ANKMY1: variants seen among roughly 807,000 people sequenced by gnomAD.
ANKMY1 encodes the protein ankyrin repeat and MYND domain containing 1.
Under a neutral mutation model 102.0 loss-of-function variants are expected in ANKMY1, and 98 were observed. The observed-to-expected ratio is 0.96, with a 90% CI of 0.82 to 1.14. ANKMY1 has a LOEUF of 1.14. ANKMY1 is among the 50% of genes most tolerant of loss of function. The pLI, the probability that ANKMY1 is intolerant of heterozygous loss-of-function variation, is 0.00. For missense variants in ANKMY1, 1,330 were observed against 1,347.6 expected (o/e 0.99, Z 0.20); for synonymous variants, 582 against 559.9 (o/e 1.04, Z -0.56).
chr2:240,500,056 C>G lies in ANKMY1; in HGVS notation c.2708G>C (p.Arg903Pro). 1 of 1,612,756 alleles carries G rather than the reference C, an allele frequency of 6.2e-7. No individual in the cohort carries two copies. The highest frequency in any genetic ancestry group is 8.5e-7 in the Non-Finnish European group (1 of 1,179,666). Residue 903 changes from arginine (R) to proline (P), a missense_variant, in exon 15 of 18, where the codon CGG (arginine) becomes CCG (proline). Physicochemically the swap from Arg to Pro is moderately radical, Grantham distance 103. Transcript: ENST00000401804. ...MPAERETFLA[R>P]KRLLEYMGLQ... ...GCCCATGTACTCCAGGAGCCGCTTC[C>G]GCGCCAGGAACGTCTCGCGCTCTGC...
chr2:240,497,718 CT>C (rs2077447072), intron 15 of ANKMY1, among the ~76,000 whole-genome samples: 2 of 152,184 alleles, frequency 1.3e-5, no homozygotes, highest in Non-Finnish European at 2.9e-5. Flanking sequence ...AGGCTTGAAA[CT>C]GTCTTTGCTC....
intron 13 of ANKMY1, among the ~76,000 whole-genome samples, chr2:240,502,232 C>T (rs1019826866): frequency 2.7e-5 from 4 of 150,942 alleles, no homozygotes; most frequent in African/African-American, 9.8e-5. Context: ...GGCACCGGGA[C>T]GGCTTCTCTG....
chr2:240,491,126 G>T (rs2076606614), intron 15 of ANKMY1, among the ~76,000 whole-genome samples: 2 of 139,548 alleles, frequency 1.4e-5, no homozygotes, highest in Admixed American at 7.3e-5. Flanking sequence ...CTGACTTAAA[G>T]TCCATTTTAT....
intron 15 of ANKMY1, among the ~76,000 whole-genome samples, chr2:240,491,561 C>T (rs1453492486): frequency 6.6e-6 from 1 of 152,146 alleles, no homozygotes; most frequent in African/African-American, 2.4e-5. Flanking sequence ...CCTTTAGCTT[C>T]TATGTTTAGG....
intron 4 of ANKMY1, among the ~76,000 whole-genome samples, chr2:240,543,392 T>C (rs2089509427): frequency 6.6e-6 from 1 of 151,524 alleles, no homozygotes; most frequent in Non-Finnish European, 1.5e-5. Flanking sequence ...AAAATAGAAA[T>C]GTCTTCAGAA....
At chr2:240,507,814 C>T (rs936522235) in intron 12 of ANKMY1, 123 bp from the exon 13 acceptor site, 28 of 1,226,872 alleles carry the variant, frequency 2.3e-5, no homozygotes, top group South Asian at 7.7e-5. Flanking sequence ...CGGAGGCCAC[C>T]GCTGGCCCTT....
rs372929169 is a variant in ANKMY1 at position 240,526,182 on chromosome 2, C to T, written c.1170+47G>A. 6 of 1,610,238 alleles carry T rather than the reference C, an allele frequency of 3.7e-6. No individual in the cohort carries two copies. The African/African-American group carries it at 8.0e-5, about 22-fold the overall frequency. ...GAGGGCCACCCACATGTGTGACCCT[C>T]ACAGCTAAGCTCCTGCGGGCACCAG... On this transcript the variant is annotated intron_variant, in intron 6 of 17. Coordinates refer to ENST00000401804, the MANE Select transcript of ANKMY1 (RefSeq NM_001282771.3).
At chr2:240,486,729 G>C (rs2076102397) in intron 15 of ANKMY1, among the ~76,000 whole-genome samples, 1 of 152,132 alleles carries the variant, frequency 6.6e-6, no homozygotes, top group South Asian at 2.1e-4. Flanking sequence ...GCCCAGGCTG[G>C]TCTCAATCTC....
At chr2:240,505,032 T>A (rs55769870) in intron 13 of ANKMY1, among the ~76,000 whole-genome samples, 5,338 of 145,400 alleles carry the variant, frequency 0.037, 128 homozygotes, top group South Asian at 0.093. Flanking sequence ...CTCGCATCCA[T>A]TAGGATGGCT....
chr2:240,486,061 TTATA>T (rs1199125987), intron 15 of ANKMY1, among the ~76,000 whole-genome samples: 1 of 152,202 alleles, frequency 6.6e-6, no homozygotes, highest in Non-Finnish European at 1.5e-5. Flanking sequence ...GATTATTACT[TTATA>T]TAATTTTATG....
chr2:240,560,906 G>C, upstream of ANKMY1: 1 of 1,527,392 alleles, frequency 6.5e-7, no homozygotes, highest in Non-Finnish European at 8.7e-7. Context: ...TCGACGACCC[G>C]GCTGAGGACC....
At chr2:240,478,129 A>C (rs1038060304), downstream of ANKMY1, among the ~76,000 whole-genome samples, 6 of 152,270 alleles carry the variant, frequency 3.9e-5, no homozygotes, top group African/African-American at 9.6e-5. Context: ...CGCTCCAGCC[A>C]TGCGAAGTGC....
chr2:240,507,853 G>T, intron 12 of ANKMY1, 162 bp from the exon 13 acceptor site: 1 of 780,110 alleles, frequency 1.3e-6, no homozygotes, highest in Non-Finnish European at 1.9e-6. Flanking sequence ...AGTGGGTCCC[G>T]CTGCTGGCCT....
At chr2:240,526,618 C>A in intron 5 of ANKMY1, 173 bp from the exon 6 acceptor site, 1 of 1,454,154 alleles carries the variant, frequency 6.9e-7, no homozygotes, top group East Asian at 2.5e-5. Flanking sequence ...TGCTCACAAT[C>A]CACTAGGTTG....
intron 15 of ANKMY1, among the ~76,000 whole-genome samples, chr2:240,490,388 TGC>T (rs1418627247): frequency 7.2e-5 from 11 of 152,196 alleles, no homozygotes; most frequent in Admixed American, 7.2e-4. Flanking sequence ...TCTACTTTTT[TGC>T]TGTAGGCATT....
chr2:240,501,975 C>G (rs1319358913), intron 13 of ANKMY1, among the ~76,000 whole-genome samples: 1 of 152,216 alleles, frequency 6.6e-6, no homozygotes, highest in Non-Finnish European at 1.5e-5. Flanking sequence ...GCCAAAAGTC[C>G]CATGAGTCGG....
the ANKMY1 span, among the ~76,000 whole-genome samples, chr2:240,472,336 C>T: frequency 2.0e-5 from 3 of 151,928 alleles, no homozygotes; most frequent in Non-Finnish European, 4.4e-5. Flanking sequence ...CCAGCTCCAG[C>T]CCCACTCTGC....
At chr2:240,532,247 A>G (rs1407362305) in intron 4 of ANKMY1, 1 of 351,998 alleles carries the variant, frequency 2.8e-6, no homozygotes, top group Non-Finnish European at 5.9e-6. Flanking sequence ...GATGGAAGCC[A>G]GGAAACAATG....
chr2:240,525,617 G>C, intron 7 of ANKMY1, 68 bp downstream of exon 7: 1 of 1,540,072 alleles, frequency 6.5e-7, no homozygotes, highest in Non-Finnish European at 8.8e-7. Context: ...GAGGCTTGGT[G>C]GACATTTACA....
Sources: gnomAD v4.1 joint callset for allele counts (sites outside exome capture counted in the v4.1 genomes callset) on GRCh38, gnomAD v4.1.1 for gene constraint, MANE v1.5 for transcripts, NCBI Gene and HGNC (gene_info 2026-07-23, HGNC 2026-07-21) for gene names.